Variants in HSPA12A observed in about 807,000 individuals in gnomAD.
HSPA12A encodes heat shock protein family A (Hsp70) member 12A.
A neutral mutation model predicts 69.2 loss-of-function variants in HSPA12A; 28 were observed. The ratio of observed to expected loss-of-function variants is 0.40; its 90% CI spans 0.30 to 0.55. The LOEUF (loss-of-function observed/expected upper bound fraction) is 0.55. Ranked by LOEUF, HSPA12A falls within the 20% of genes least tolerant of loss-of-function variation. The probability of loss-of-function intolerance (pLI) is 0.38; values close to 1 mark genes in which losing one functional copy is unlikely to be tolerated. For missense variants in HSPA12A, 686 were observed against 900.7 expected, an observed-to-expected ratio of 0.76 and a Z score of 3.05; for synonymous variants, 345 against 370.5, an observed-to-expected ratio of 0.93 and a Z score of 0.79.
At chr10:116,742,894 C>G (rs1851562874), upstream of HSPA12A, among the ~76,000 whole-genome samples, 4 of 152,210 alleles carry the variant, frequency 2.6e-5, no homozygotes, top group Admixed American at 2.6e-4. Context: ...CGGCGCGTCC[C>G]CTCTTTGGAA....
chr10:116,789,348 G>A (rs1282242458), intron 2 of HSPA12A, among the ~76,000 whole-genome samples: 1 of 151,942 alleles, frequency 6.6e-6, no homozygotes. Flanking sequence ...AGATATATAT[G>A]TATATGCCTG....
intron 2 of HSPA12A, among the ~76,000 whole-genome samples, chr10:116,787,440 C>CAAAAAAA (rs776783179): frequency 5.8e-5 from 4 of 68,608 alleles, no homozygotes; most frequent in South Asian, 5.8e-4. Flanking sequence ...CTCTAGCCAG[C>CAAAAAAA]AAAAAAAAAA....
chr10:116,801,837 T>C (rs1844963538), intron 2 of HSPA12A, among the ~76,000 whole-genome samples: 1 of 152,130 alleles, frequency 6.6e-6, no homozygotes, highest in Non-Finnish European at 1.5e-5. Flanking sequence ...TTGATCTTTG[T>C]CCTGTGGTTA....
intron 2 of HSPA12A, among the ~76,000 whole-genome samples, chr10:116,755,805 C>CAA (rs11286178): frequency 1.6e-5 from 2 of 123,396 alleles, no homozygotes; most frequent in African/African-American, 6.1e-5. Flanking sequence ...CCATCTCTAC[C>CAA]AAAAAAAAAA....
rs1477238391 is a variant in HSPA12A at position 116,675,832 on chromosome 10, G to A, written c.1391-414C>T. ...AGAGAGTCTGATTTGGTAGGCGGGG[G>A]ACAGGATACTGAAAGAGGTCCTGGT... On this transcript the variant is annotated intron_variant, in intron 11 of 11. Transcript: ENST00000369209. This position sits in a 1 kb window ranked among gnomAD's most constrained non-coding sequence, Gnocchi z 5.2. Among the ~76,000 whole-genome samples the A allele has an allele frequency of 6.6e-6, 1 of 152,156 alleles. No homozygotes were observed. The highest frequency in any genetic ancestry group is 1.5e-5 in the Non-Finnish European group (1 of 68,036).
intron 1 of HSPA12A, among the ~76,000 whole-genome samples, chr10:116,846,759 T>C (rs1336993621): frequency 6.6e-6 from 1 of 152,212 alleles, no homozygotes; most frequent in East Asian, 1.9e-4. Context: ...TCCCATCACC[T>C]TGGGACAACA....
chr10:116,737,925 T>C (rs1280149568), intron 1 of HSPA12A, among the ~76,000 whole-genome samples: 2 of 152,138 alleles, frequency 1.3e-5, no homozygotes, highest in Non-Finnish European at 2.9e-5. Flanking sequence ...TCCTTGGTCG[T>C]CTCCTCGCTG....
At position 116,742,435 on chromosome 10, in the gene HSPA12A, G is replaced by A; in HGVS notation, c.35C>T (p.Pro12Leu). Reference sequence around the variant, plus strand: ...GACCCGCAGCCTGCGCTCACCTCGGGGCCCGTCGCTGCCGCCGGCCTCCTT... The same window carrying A: ...GACCCGCAGCCTGCGCTCACCTCGGAGCCCGTCGCTGCCGCCGGCCTCCTT... ...ADKEAGGSDG[P>L]RETAPTSAYS... The change falls in exon 1 of 12, where the codon CCC (proline) becomes CTC (leucine). Residue 12 changes from proline (P) to leucine (L), a missense_variant. By Grantham distance (98) the Pro-to-Leu change is moderately conservative. Transcript: ENST00000369209. The A allele has an allele frequency of 7.1e-7, 1 of 1,417,810 alleles. No individual in the cohort carries two copies. The allele number at this position is 1,417,810 out of a possible 1,614,324, so 87.8% of individuals were successfully genotyped here.
chr10:116,772,939 C>T (rs201015261), intron 2 of HSPA12A, among the ~76,000 whole-genome samples: 2,916 of 152,202 alleles, frequency 0.019, 61 homozygotes, highest in East Asian at 0.12. Flanking sequence ...TAGTCTCAAG[C>T]AATTCTCCCA....
chr10:116,806,500 C>A (rs1437632504), intron 2 of HSPA12A, among the ~76,000 whole-genome samples: 3 of 152,218 alleles, frequency 2.0e-5, no homozygotes, highest in African/African-American at 7.2e-5. Context: ...AGCCACCTCA[C>A]CTGGCCTATT....
intron 1 of HSPA12A, among the ~76,000 whole-genome samples, chr10:116,715,595 A>C (rs1554883703): frequency 6.6e-6 from 1 of 152,168 alleles, no homozygotes; most frequent in Non-Finnish European, 1.5e-5. Flanking sequence ...ATAATGACTA[A>C]AACTGGTGAC....
At position 116,700,953 on chromosome 10, in the gene HSPA12A, T is replaced by C. The variant is rs782430403; in HGVS notation, c.431A>G (p.His144Arg). 6.2e-7 allele frequency: 1 copy of C among 1,613,614 alleles called. No individual in the cohort carries two copies. Among genetic ancestry groups the C allele is most frequent in the East Asian group, 2.2e-5 (1 of 44,826 alleles). ...LYLEKFKMKL[H>R]TTGDLTMDTD... ...GAGAGGCTTGCTCACCCCAGTGGTG[T>C]GCAGCTTCATCTTGAACTTCTCCAG... Residue 144 changes from histidine (H) to arginine (R), a missense_variant, in exon 4 of 12, where the codon CAC (histidine) becomes CGC (arginine). His to Arg is a conservative substitution (Grantham distance 29). Coordinates refer to ENST00000369209, the MANE Select transcript of HSPA12A (RefSeq NM_025015.3).
rs71013613 is a variant in HSPA12A at position 116,726,027 on chromosome 10, G to GCACACACACACACACACACA, written c.40+16383_40+16402dup. On this transcript the variant is annotated intron_variant, in intron 1 of 11. Transcript: ENST00000369209. ...ACAAGGTTTAGACACACACACACAC[G>GCACACACACACACACACACA]CACACACACACACACACACACACAC... 8.1e-4 allele frequency among the ~76,000 whole-genome samples: 119 copies of GCACACACACACACACACACA among 146,216 alleles called. 1 individual carries two copies. The highest frequency in any genetic ancestry group is 2.7e-3 in the African/African-American group (107 of 39,078).
intron 6 of HSPA12A, 35 bp from the exon 7 acceptor site, chr10:116,683,997 C>T (rs782490045): frequency 1.3e-6 from 2 of 1,515,494 alleles, no homozygotes; most frequent in African/African-American, 1.4e-5. Context: ...GACCCAGGGC[C>T]CCCTGGGCCG....
intron 1 of HSPA12A, among the ~76,000 whole-genome samples, chr10:116,715,245 G>A (rs183727064): frequency 1.3e-5 from 2 of 152,248 alleles, no homozygotes; most frequent in Admixed American, 1.3e-4. Flanking sequence ...AATTTCCCAG[G>A]CTATCCTGAC....
intron 2 of HSPA12A, among the ~76,000 whole-genome samples, chr10:116,781,571 T>C (rs1407925112): frequency 6.6e-6 from 1 of 152,216 alleles, no homozygotes; most frequent in Admixed American, 6.5e-5. Flanking sequence ...AAGGGCAGCC[T>C]CTGCCACAGC....
At chr10:116,772,686 G>GTTTA (rs781977406) in intron 2 of HSPA12A, among the ~76,000 whole-genome samples, 99 of 151,536 alleles carry the variant, frequency 6.5e-4, no homozygotes, top group East Asian at 1.6e-3. Flanking sequence ...TTATTTATTT[G>GTTTA]TTTATTTATT....
chr10:116,722,873 G>A (rs1850823608), intron 1 of HSPA12A, among the ~76,000 whole-genome samples: 1 of 152,170 alleles, frequency 6.6e-6, no homozygotes. Flanking sequence ...AGGACAGACT[G>A]ACATCCCTGA....
At chr10:116,724,404 C>T (rs763760823) in intron 1 of HSPA12A, among the ~76,000 whole-genome samples, 2 of 152,138 alleles carry the variant, frequency 1.3e-5, no homozygotes, top group Non-Finnish European at 2.9e-5. Flanking sequence ...TAAGTCAGGG[C>T]ACTTAAGGGC....
Sources: allele counts gnomAD v4.1 joint callset (sites outside exome capture counted in the v4.1 genomes callset), GRCh38; gene constraint gnomAD v4.1.1; non-coding constraint Gnocchi (gnomAD v3.1); transcripts MANE v1.5; gene names NCBI Gene and HGNC (gene_info 2026-07-23, HGNC 2026-07-21).